The following PLBD2 variants were observed in gnomAD, a reference collection of about 807,000 sequenced individuals.
The protein encoded by PLBD2 is phospholipase B domain containing 2.
In PLBD2, 51 loss-of-function variants were observed where a neutral mutation model predicts 68.3. The ratio of observed to expected loss-of-function variants is 0.75; its 90% confidence interval spans 0.60 to 0.94. The LOEUF (loss-of-function observed/expected upper bound fraction) is 0.94, where lower values mean the gene tolerates loss of function less well. Ranked by LOEUF, PLBD2 falls within the 40% of genes least tolerant of loss-of-function variation. The probability of loss-of-function intolerance (pLI) is 0.00; values close to 1 mark genes in which losing one functional copy is unlikely to be tolerated. For synonymous variants in PLBD2, 314 were observed against 339.3 expected (o/e 0.93, Z 0.82); for missense variants, 729 against 792.2 (o/e 0.92, Z 0.96).
Position 113,386,531 on chromosome 12 carries a change from T to G in PLBD2, c.1287-406T>G, listed in dbSNP as rs192212603. On this transcript the variant is annotated intron_variant, in intron 9 of 11. Coordinates refer to ENST00000280800, the MANE Select transcript of PLBD2 (RefSeq NM_173542.4). The stretch of plus-strand genomic sequence containing the variant: ...ACCACGCCGGCTAATTTTTTTTTTT[T>G]TTTTTTGAGACGGAGTCTCGCTGTG... Among the ~76,000 whole-genome samples, 66 of 150,832 alleles carry G rather than the reference T, an allele frequency of 4.4e-4. 1 individual carries two copies. In the East Asian group the frequency reaches 7.4e-3, roughly 17 times the overall value.
At chr12:113,378,279 C>T (rs1316422863) in intron 5 of PLBD2, among the ~76,000 whole-genome samples, 2 of 149,978 alleles carry the variant, frequency 1.3e-5, no homozygotes, top group Non-Finnish European at 3.0e-5. Flanking sequence ...GCAACAGAGT[C>T]GGCCTCTGTC....
rs904980875 is a variant in PLBD2 at position 113,391,472 on chromosome 12, C to T, written c.*2846C>T. On this transcript the variant is annotated 3_prime_UTR_variant, in exon 12 of 12. Transcript: ENST00000280800. Reference sequence around the variant, plus strand: ...CATGCCAGGCACTGTTATGAGGTCCCGGGGATACTTTATAACAAAAGGGAC... The same window carrying T: ...CATGCCAGGCACTGTTATGAGGTCCTGGGGATACTTTATAACAAAAGGGAC... 3 of 152,056 alleles carry T rather than the reference C, an allele frequency of 2.0e-5. No individual in the cohort carries two copies. Among genetic ancestry groups the T allele is most frequent in the African/African-American group, 7.2e-5 (3 of 41,390 alleles). 9.4% of individuals were successfully genotyped at this position (152,056 alleles called of 1,614,324 possible).
rs1957532000 is a variant in PLBD2, at chr12:113,384,693, ATACC to A, written c.1119-156_1119-153del. Among the ~76,000 whole-genome samples the A allele has an allele frequency of 6.6e-6, 1 of 152,158 alleles. No homozygotes were observed. The highest frequency in any genetic ancestry group is 1.5e-5 in the Non-Finnish European group (1 of 68,018). On this transcript the variant is annotated intron_variant, in intron 7 of 11. Coordinates refer to ENST00000280800, the MANE Select transcript of PLBD2 (RefSeq NM_173542.4). This position sits in a 1 kb window ranked among gnomAD's most constrained non-coding sequence, Gnocchi z 4.2. ...AGCATGACGAGAGAGGGGTTTGTGG[ATACC>A]TGGTCATGCTGCAGCGTCAGGGTGT... is the stretch of plus-strand genomic sequence containing the variant.
chr12:113,372,561 C>G lies in PLBD2; in HGVS notation c.385-88C>G. On this transcript the variant is annotated intron_variant, in intron 2 of 11. Coordinates refer to ENST00000280800, the MANE Select transcript of PLBD2 (RefSeq NM_173542.4). The surrounding 1 kb of genome is among the most constrained non-coding windows in gnomAD (Gnocchi z 4.2). ...ACTCAGGTGGCCACACCAGCAGCCT[C>G]CGCTCTGGGGCAGCCTGGGTGGGGG... 6.9e-7 allele frequency: 1 copy of G among 1,444,994 alleles called. No individual in the cohort carries two copies. Among genetic ancestry groups the G allele is most frequent in the Non-Finnish European group, 9.5e-7 (1 of 1,057,736 alleles). The allele number at this position is 1,444,994 out of a possible 1,614,324, so 89.5% of individuals were successfully genotyped here.
intron 1 of PLBD2, among the ~76,000 whole-genome samples, chr12:113,364,382 C>T (rs1055866277): frequency 1.3e-5 from 2 of 152,116 alleles, no homozygotes; most frequent in East Asian, 1.9e-4. Flanking sequence ...GCTTTTATCA[C>T]GAGGGGATCT....
chr12:113,380,486 C>A (rs1272196458), intron 5 of PLBD2, among the ~76,000 whole-genome samples: 1 of 152,148 alleles, frequency 6.6e-6, no homozygotes, highest in East Asian at 1.9e-4. Context: ...GGTCCCCAGT[C>A]GATTGAATCC....
intron 6 of PLBD2, among the ~76,000 whole-genome samples, chr12:113,382,390 T>C (rs1957499417): frequency 6.6e-6 from 1 of 152,184 alleles, no homozygotes; most frequent in South Asian, 2.1e-4. Flanking sequence ...TCCCAGTGAC[T>C]ACTAATACCA....
intron 1 of PLBD2, among the ~76,000 whole-genome samples, chr12:113,366,058 G>A (rs541387758): frequency 6.6e-6 from 1 of 152,202 alleles, no homozygotes; most frequent in African/African-American, 2.4e-5. Context: ...TCAATGTCTG[G>A]CAGCCAGTAG....
intron 1 of PLBD2, among the ~76,000 whole-genome samples, chr12:113,365,033 T>C (rs138319726): frequency 0.013 from 2,002 of 152,286 alleles, 21 homozygotes; most frequent in South Asian, 0.037. Flanking sequence ...TTTCCCCTTG[T>C]TTTTTCCTCT....
chr12:113,370,080 A>G (rs571447007), intron 2 of PLBD2, among the ~76,000 whole-genome samples: 2 of 152,088 alleles, frequency 1.3e-5, no homozygotes, highest in East Asian at 3.9e-4. Flanking sequence ...TTGTATTTTT[A>G]GTAGAGGTGG....
At chr12:113,375,918 A>G (rs1463180788) in intron 5 of PLBD2, among the ~76,000 whole-genome samples, 1 of 152,064 alleles carries the variant, frequency 6.6e-6, no homozygotes, top group Non-Finnish European at 1.5e-5. Flanking sequence ...CAGTGGCATG[A>G]TCTCAGCTCA....
chr12:113,366,254 C>A (rs1481950671), intron 1 of PLBD2, among the ~76,000 whole-genome samples: 1 of 152,170 alleles, frequency 6.6e-6, no homozygotes, highest in Non-Finnish European at 1.5e-5. Flanking sequence ...TCTTCAAGGT[C>A]TCTTTAGCGT....
intron 6 of PLBD2, among the ~76,000 whole-genome samples, chr12:113,381,504 C>CGCCA (rs1390751572): frequency 6.6e-6 from 1 of 152,128 alleles, no homozygotes; most frequent in Non-Finnish European, 1.5e-5. Context: ...GCGCAGAGAA[C>CGCCA]GCCAGCTCCC....
At chr12:113,361,760 T>G (rs1957299028) in intron 1 of PLBD2, among the ~76,000 whole-genome samples, 1 of 152,166 alleles carries the variant, frequency 6.6e-6, no homozygotes, top group Admixed American at 6.6e-5. Context: ...AGAGCCTGCC[T>G]CAGTCTAGCT....
intron 8 of PLBD2, 24 bp from the exon 9 acceptor site, chr12:113,385,188 C>T: frequency 6.2e-7 from 1 of 1,613,254 alleles, no homozygotes. Flanking sequence ...ATCACCTCCA[C>T]CCCATCTCTC....
At chr12:113,382,500 T>TGGCATGATCACAGCTCACTGCAGC in intron 6 of PLBD2, among the ~76,000 whole-genome samples, 1 of 152,012 alleles carries the variant, frequency 6.6e-6, no homozygotes, top group Admixed American at 6.6e-5. Context: ...CTGAGTGCAG[T>TGGCATGATCACAGCTCACTGCAGC]GGCATGATCA....
intron 6 of PLBD2, 142 bp from the exon 7 acceptor site, chr12:113,383,963 C>T (rs1216670959): frequency 3.0e-6 from 2 of 675,938 alleles, no homozygotes; most frequent in East Asian, 3.1e-5. Context: ...TACACCACTG[C>T]ACTCCAGCCT....
chr12:113,378,579 C>G (rs1957454634), intron 5 of PLBD2, among the ~76,000 whole-genome samples: 1 of 151,780 alleles, frequency 6.6e-6, no homozygotes, highest in Admixed American at 6.6e-5. Flanking sequence ...CCAGGCTGGT[C>G]ACAAACTTCT....
Position 113,374,522 on chromosome 12 carries a change from G to A in PLBD2, c.592G>A (p.Gly198Ser). 5 of 1,607,276 alleles carry A rather than the reference G, an allele frequency of 3.1e-6. No individual in the cohort carries two copies. Among genetic ancestry groups the A allele is most frequent in the Non-Finnish European group, 8.5e-7 (1 of 1,177,416 alleles). Residue 198 changes from glycine to serine, a missense_variant, in exon 4 of 12, where the codon GGC (glycine) becomes AGC (serine). Gly to Ser is a moderately conservative substitution (Grantham distance 56). Coordinates refer to ENST00000280800, the MANE Select transcript of PLBD2 (RefSeq NM_173542.4). ...QLKGLEDSYE[G>S]RVSFPAGKFT... ...GAAAGGCCTGGAGGACAGCTACGAA[G>A]GCCGTGTGAGCTTCCCAGCTGGGAA...
Sources: gnomAD v4.1 joint callset for allele counts (sites outside exome capture counted in the v4.1 genomes callset) on GRCh38, gnomAD v4.1.1 for gene constraint, Gnocchi (gnomAD v3.1) non-coding constraint, MANE v1.5 for transcripts, NCBI Gene and HGNC (gene_info 2026-07-23, HGNC 2026-07-21) for gene names.